CEMIP: variants seen among roughly 807,000 people sequenced by gnomAD.
CEMIP encodes the protein cell migration-inducing and hyaluronan-binding protein.
CEMIP carries 105 observed loss-of-function variants against 156.9 expected under a neutral mutation model. The observed-to-expected ratio is 0.67, with a 90% confidence interval of 0.57 to 0.79. The LOEUF (loss-of-function observed/expected upper bound fraction) is 0.79, where lower values mean the gene tolerates loss of function less well. Among genes scored for constraint, CEMIP ranks in the 30% least tolerant of loss-of-function variants. The probability of loss-of-function intolerance (pLI) is 0.00; values close to 1 mark genes in which losing one functional copy is unlikely to be tolerated. For missense variants in CEMIP, 1,457 were observed against 1,769.4 expected (o/e 0.82, Z 3.17); for synonymous variants, 676 against 668.4 (o/e 1.01, Z -0.17).
intron 1 of CEMIP, among the ~76,000 whole-genome samples, chr15:80,791,830 G>A (rs1448954921): frequency 2.0e-5 from 3 of 152,204 alleles, no homozygotes; most frequent in African/African-American, 7.2e-5. Context: ...AGGGAAAGTG[G>A]GATAAAGGGA....
intron 1 of CEMIP, among the ~76,000 whole-genome samples, chr15:80,837,567 C>T (rs1271013633): frequency 2.0e-5 from 3 of 152,166 alleles, no homozygotes; most frequent in Non-Finnish European, 4.4e-5. Context: ...AGAGTTCCAG[C>T]CACTTCACCA....
At chr15:80,791,313 C>T (rs916023953) in intron 1 of CEMIP, among the ~76,000 whole-genome samples, 1 of 152,144 alleles carries the variant, frequency 6.6e-6, no homozygotes, top group Admixed American at 6.5e-5. Flanking sequence ...GTCTTCCTCC[C>T]TCCCAAGGGT....
chr15:80,882,314 T>G lies in CEMIP; in HGVS notation c.617+1178T>G, dbSNP rs1349069542. Among the ~76,000 whole-genome samples, 20 of 152,374 alleles carry G rather than the reference T, an allele frequency of 1.3e-4. 1 individual carries two copies. The highest frequency in any genetic ancestry group is 3.4e-3 in the Middle Eastern group (1 of 294). The stretch of plus-strand genomic sequence containing the variant: ...TTCATCAAAATTCTGTGAGGCAAGT[T>G]CTGTTATTATCTACCTTGTAGAGAT... On this transcript the variant is annotated intron_variant, in intron 6 of 29. Transcript: ENST00000394685.
chr15:80,912,549 G>A (rs1418600797), intron 14 of CEMIP, among the ~76,000 whole-genome samples: 1 of 152,216 alleles, frequency 6.6e-6, no homozygotes, highest in African/African-American at 2.4e-5. Context: ...GCCTTCCCAA[G>A]GTAAAACCAA....
intron 1 of CEMIP, among the ~76,000 whole-genome samples, chr15:80,832,480 C>T (rs947165441): frequency 3.9e-5 from 6 of 151,978 alleles, no homozygotes; most frequent in Admixed American, 1.3e-4. Context: ...GATTCACTCC[C>T]GGCTCTCATT....
chr15:80,909,677 AC>A (rs1284703321), intron 14 of CEMIP: 1 of 458,878 alleles, frequency 2.2e-6, no homozygotes, highest in South Asian at 1.5e-5. Flanking sequence ...TGTGGTATCT[AC>A]CCAACAGATT....
intron 1 of CEMIP, among the ~76,000 whole-genome samples, chr15:80,820,471 G>C (rs192426622): frequency 7.9e-5 from 12 of 152,256 alleles, no homozygotes; most frequent in African/African-American, 2.9e-4. Flanking sequence ...TTTTTTCCTT[G>C]ATTCATCCAA....
At chr15:80,910,354 A>G (rs1402603182) in intron 14 of CEMIP, among the ~76,000 whole-genome samples, 1 of 152,188 alleles carries the variant, frequency 6.6e-6, no homozygotes, top group Non-Finnish European at 1.5e-5. Flanking sequence ...GGCTGTTACA[A>G]TTACTGTAAA....
chr15:80,784,407 C>G (rs914779500), intron 1 of CEMIP, among the ~76,000 whole-genome samples: 3 of 152,178 alleles, frequency 2.0e-5, no homozygotes, highest in African/African-American at 7.2e-5. Flanking sequence ...GCCTGCTGCA[C>G]TCTTTGGCCC....
intron 6 of CEMIP, among the ~76,000 whole-genome samples, chr15:80,883,463 C>T (rs1343792720): frequency 6.7e-6 from 1 of 149,756 alleles, no homozygotes; most frequent in Admixed American, 6.6e-5. Flanking sequence ...GGTAAGTGTT[C>T]TTACCACAAT....
intron 1 of CEMIP, among the ~76,000 whole-genome samples, chr15:80,868,597 C>A (rs533380327): frequency 1.3e-5 from 2 of 152,296 alleles, no homozygotes; most frequent in African/African-American, 4.8e-5. Flanking sequence ...ATTCTGAGAT[C>A]CTGAGATTAT....
At chr15:80,941,430 G>A (rs905946071) in intron 25 of CEMIP, among the ~76,000 whole-genome samples, 9 of 152,008 alleles carry the variant, frequency 5.9e-5, no homozygotes, top group South Asian at 2.1e-4. Context: ...TCTCCTCACC[G>A]GGCACAATGC....
intron 3 of CEMIP, among the ~76,000 whole-genome samples, chr15:80,874,899 T>C (rs897990995): frequency 6.6e-5 from 10 of 152,294 alleles, no homozygotes; most frequent in African/African-American, 1.7e-4. Flanking sequence ...GAATCTTACA[T>C]TGAATTTATA....
chr15:80,932,165 G>A lies in CEMIP; in HGVS notation c.2793+126G>A, dbSNP rs565718252. 1,920 of 1,090,446 alleles carry A rather than the reference G, an allele frequency of 1.8e-3. 3 individuals are homozygous for A. The highest frequency in any genetic ancestry group is 5.3e-3 in the Admixed American group (282 of 53,640). 67.5% of individuals were successfully genotyped at this position (1,090,446 alleles called of 1,614,324 possible). A position where few individuals can be genotyped will look rare whatever the true frequency, so the allele number is the denominator to read the frequency against. On this transcript the variant is annotated intron_variant, in intron 22 of 29. Transcript: ENST00000394685. The surrounding 1 kb of genome is among the most constrained non-coding windows in gnomAD (Gnocchi z 4.5). ...GGGGTTGAGAAGCCTCCTCCAACTA[G>A]GCTGGGCCATGTCCCAGTTTGCTCT...
At chr15:80,941,593 G>A (rs1300670269) in intron 25 of CEMIP, among the ~76,000 whole-genome samples, 10 of 152,190 alleles carry the variant, frequency 6.6e-5, no homozygotes. Flanking sequence ...GAGATATGTC[G>A]ATTTACGATG....
intron 1 of CEMIP, among the ~76,000 whole-genome samples, chr15:80,842,373 A>G (rs1190327283): frequency 6.6e-6 from 1 of 152,102 alleles, no homozygotes; most frequent in Non-Finnish European, 1.5e-5. Flanking sequence ...TACTAAGCAC[A>G]AAGACTCGTT....
intron 17 of CEMIP, 112 bp downstream of exon 17, chr15:80,922,249 C>A: frequency 7.2e-7 from 1 of 1,386,632 alleles, no homozygotes; most frequent in Non-Finnish European, 1.0e-6. Context: ...CAACTGCATT[C>A]TTAATGCTGG....
At chr15:80,811,803 T>A (rs1433501636) in intron 1 of CEMIP, among the ~76,000 whole-genome samples, 1 of 152,060 alleles carries the variant, frequency 6.6e-6, no homozygotes. Context: ...GAAATCTGCC[T>A]GCCTCAGCCT....
chr15:80,795,819 A>G (rs977714691), intron 1 of CEMIP, among the ~76,000 whole-genome samples: 2 of 152,074 alleles, frequency 1.3e-5, no homozygotes, highest in Non-Finnish European at 2.9e-5. Context: ...AGTCCTGGCT[A>G]CTTGGGAGGC....
Sources: gnomAD v4.1 joint callset for allele counts (sites outside exome capture counted in the v4.1 genomes callset) on GRCh38, gnomAD v4.1.1 for gene constraint, Gnocchi (gnomAD v3.1) non-coding constraint, MANE v1.5 for transcripts, NCBI Gene and HGNC (gene_info 2026-07-23, HGNC 2026-07-21) for gene names.